C17orf75: variants seen among roughly 807,000 people sequenced by gnomAD.
The protein encoded by C17orf75 is protein Njmu-R1.
C17orf75 carries 32 observed loss-of-function variants against 49.6 expected under a neutral mutation model. The ratio of observed to expected loss-of-function variants is 0.65; its 90% CI spans 0.49 to 0.87. The LOEUF is 0.87. Ranked by LOEUF, C17orf75 falls within the 40% of genes least tolerant of loss-of-function variation. The pLI is 0.00. For synonymous variants in C17orf75, 158 were observed against 159.5 expected (o/e 0.99, Z 0.07); for missense variants, 428 against 473.9 (o/e 0.90, Z 0.90).
rs1010785608 is a variant in C17orf75 at position 32,341,317 on chromosome 17, T to A, written c.141-33A>T. On this transcript the variant is annotated intron_variant, in intron 1 of 9. Transcript: ENST00000577809. The stretch of plus-strand genomic sequence containing the variant: ...CCACAAAACCAATAGTGCTATCAAT[T>A]ATGGGCTCTAAACCAAGAGGAGTAT... 2.5e-6 allele frequency: 4 copies of A among 1,610,666 alleles called. No homozygotes were observed. The Admixed American group carries it at 5.0e-5, about 20-fold the overall frequency.
rs1464962911 is a variant in C17orf75 at position 32,330,258 on chromosome 17, T to G, written c.*1505A>C. On this transcript the variant is annotated 3_prime_UTR_variant, in exon 10 of 10. Coordinates refer to ENST00000577809, the MANE Select transcript of C17orf75 (RefSeq NM_022344.4). ...GCATTTATGAAGATTCTGAATTGTATTTCTCATTAAAAGAAAAGAAATGTG... is the reference window on the plus strand; with the variant it reads ...GCATTTATGAAGATTCTGAATTGTAGTTCTCATTAAAAGAAAAGAAATGTG... The G allele has an allele frequency of 6.6e-6, 1 of 152,228 alleles. No individual in the cohort carries two copies. Among genetic ancestry groups the G allele is most frequent in the Non-Finnish European group, 1.5e-5 (1 of 68,040 alleles). The allele number at this position is 152,228 out of a possible 1,614,324, so 9.4% of individuals were successfully genotyped here. A position where few individuals can be genotyped will look rare whatever the true frequency, so the allele number is the denominator to read the frequency against.
intron 8 of C17orf75, among the ~76,000 whole-genome samples, chr17:32,333,979 C>G (rs951221927): frequency 1.3e-5 from 2 of 152,124 alleles, no homozygotes; most frequent in African/African-American, 2.4e-5. Flanking sequence ...TACCTTTGCA[C>G]GTGTAAGCCT....
chr17:32,335,124 C>T (rs1212627174), intron 6 of C17orf75, among the ~76,000 whole-genome samples, 199 bp downstream of exon 6: 1 of 152,184 alleles, frequency 6.6e-6, no homozygotes, highest in Non-Finnish European at 1.5e-5. Context: ...ATTAGGAAGA[C>T]TCAGCATTTG....
In C17orf75 at chr17:32,334,449, C is replaced by T. The variant is rs1418684060; in HGVS notation, c.871+20G>A. Reference sequence around the variant, plus strand: ...ACTCGCAAGAGATGTAGGAAGGCTGCTTCAGAGGTTGTAGCTCACCTGCAT... The same window carrying T: ...ACTCGCAAGAGATGTAGGAAGGCTGTTTCAGAGGTTGTAGCTCACCTGCAT... On this transcript the variant is annotated intron_variant, in intron 8 of 9. Transcript: ENST00000577809. 1 of 1,606,896 alleles carries T rather than the reference C, an allele frequency of 6.2e-7. No individual in the cohort carries two copies. Among genetic ancestry groups the T allele is most frequent in the East Asian group, 2.2e-5 (1 of 44,804 alleles).
At chr17:32,348,042 G>A (rs1045246756) in intron 1 of C17orf75, among the ~76,000 whole-genome samples, 1 of 150,592 alleles carries the variant, frequency 6.6e-6, no homozygotes, top group Non-Finnish European at 1.5e-5. Flanking sequence ...TTTTGAGACA[G>A]AGTCTTGCTC....
rs2041387522 is a variant in C17orf75, at chr17:32,342,084, C to G, written c.56G>C (p.Ser19Thr). 1.3e-6 allele frequency: 2 copies of G among 1,594,144 alleles called. No homozygotes were observed. The highest frequency in any genetic ancestry group is 1.7e-5 in the Admixed American group (1 of 57,178). Residue 19 changes from serine to threonine, a missense_variant, in exon 1 of 10, where the codon AGC becomes ACC. Ser to Thr is a moderately conservative substitution (Grantham distance 58). Transcript: ENST00000577809. ...CTCCTCGGCTGAGCCTCCCTCTTCG[C>G]TGCTCTCTAGTTCCTTTTCATCTCC... is the stretch of plus-strand genomic sequence containing the variant. ...MDGDEKELESSEEGGSAEERR... is the reference protein window; with the variant it reads ...MDGDEKELESTEEGGSAEERR...
chr17:32,345,630 G>C (rs1395256951), upstream of C17orf75, among the ~76,000 whole-genome samples: 1 of 151,106 alleles, frequency 6.6e-6, no homozygotes, highest in Non-Finnish European at 1.5e-5. Flanking sequence ...AGGAGATTGA[G>C]ACCACCCTGG....
At chr17:32,338,434 A>T (rs2041346856) in intron 3 of C17orf75, 83 bp from the exon 4 acceptor site, 6 of 1,361,502 alleles carry the variant, frequency 4.4e-6, no homozygotes, top group African/African-American at 2.9e-5. Context: ...AATTCTGGTC[A>T]TCTTGATCTG....
intron 4 of C17orf75, 104 bp from the exon 5 acceptor site, chr17:32,338,058 C>T: frequency 6.6e-7 from 1 of 1,518,154 alleles, no homozygotes; most frequent in Non-Finnish European, 9.0e-7. Context: ...CAAATGCAAA[C>T]AAGCCAAGGC....
intron 5 of C17orf75, among the ~76,000 whole-genome samples, chr17:32,337,156 AAAAG>A (rs2041333442): frequency 6.6e-6 from 1 of 151,370 alleles, no homozygotes; most frequent in African/African-American, 2.4e-5. Context: ...CAAAAAATGA[AAAAG>A]AAAAAGAAAC....
rs1206964615 is a variant in C17orf75, at chr17:32,330,647, GTAACTC to G, written c.*1110_*1115del. On this transcript the variant is annotated 3_prime_UTR_variant, in exon 10 of 10. Transcript: ENST00000577809. ...ATGTACAAAAAACTAAAATCAATGAGTAACTCTAATAGGAAGAAACTGTTTGCATTC... is the reference window on the plus strand; with the variant it reads ...ATGTACAAAAAACTAAAATCAATGAGTAATAGGAAGAAACTGTTTGCATTC... 6.6e-6 allele frequency: 1 copy of G among 152,150 alleles called. No homozygotes were observed. The highest frequency in any genetic ancestry group is 1.5e-5 in the Non-Finnish European group (1 of 68,036). The allele number at this position is 152,150 out of a possible 1,614,324, so 9.4% of individuals were successfully genotyped here.
chr17:32,333,551 A>C, intron 8 of C17orf75, 31 bp from the exon 9 acceptor site: 1 of 1,520,084 alleles, frequency 6.6e-7, no homozygotes, highest in Non-Finnish European at 9.0e-7. Context: ...ACTAAATAAA[A>C]TGAAATTTTA....
At chr17:32,347,863 A>C (rs1425213085) in intron 1 of C17orf75, among the ~76,000 whole-genome samples, 1 of 152,088 alleles carries the variant, frequency 6.6e-6, no homozygotes, top group African/African-American at 2.4e-5. Context: ...ATACGGTTTT[A>C]AACTTTTTCA....
chr17:32,347,775 G>A (rs1338082744), intron 1 of C17orf75, among the ~76,000 whole-genome samples: 1 of 152,196 alleles, frequency 6.6e-6, no homozygotes, highest in Non-Finnish European at 1.5e-5. Flanking sequence ...TTAATCACCT[G>A]CTAAAGGTCC....
At chr17:32,340,447 T>A (rs1597737564) in intron 2 of C17orf75, among the ~76,000 whole-genome samples, 1 of 152,032 alleles carries the variant, frequency 6.6e-6, no homozygotes, top group African/African-American at 2.4e-5. Flanking sequence ...GAGATCATCC[T>A]GGCTAACACA....
At chr17:32,348,189 T>TTTTGGTA (rs2041441380) in intron 1 of C17orf75, among the ~76,000 whole-genome samples, 3 of 151,918 alleles carry the variant, frequency 2.0e-5, no homozygotes, top group Middle Eastern at 3.4e-3. Context: ...GGCTAATTTT[T>TTTTGGTA]TTTTGGTATT....
upstream of C17orf75, chr17:32,343,965 C>G: frequency 1.5e-6 from 1 of 684,282 alleles, no homozygotes; most frequent in South Asian, 1.5e-5. Context: ...AGAAACACTT[C>G]ATCGGGGTTC....
At chr17:32,343,860 C>G, upstream of C17orf75, 1 of 677,610 alleles carries the variant, frequency 1.5e-6, no homozygotes, top group South Asian at 1.5e-5. Context: ...AGCAGAAGAA[C>G]TTCCTGGAGA....
chr17:32,345,681 T>C (rs1230738682), upstream of C17orf75, among the ~76,000 whole-genome samples: 1 of 151,578 alleles, frequency 6.6e-6, no homozygotes, highest in Admixed American at 6.6e-5. Flanking sequence ...AATATAAGAA[T>C]TAGGCGGGCG....
Sources: gnomAD v4.1 joint callset for allele counts (sites outside exome capture counted in the v4.1 genomes callset) on GRCh38, gnomAD v4.1.1 for gene constraint, MANE v1.5 for transcripts, NCBI Gene and HGNC (gene_info 2026-07-23, HGNC 2026-07-21) for gene names.